SNX25: variants seen among roughly 807,000 people sequenced by gnomAD.
SNX25 encodes the protein sorting nexin-25.
In SNX25, 62 loss-of-function variants were observed where a neutral mutation model predicts 113.7. The observed-to-expected ratio is 0.55, with a 90% confidence interval of 0.44 to 0.67. The LOEUF (loss-of-function observed/expected upper bound fraction) is 0.67, where lower values mean the gene tolerates loss of function less well. Among genes scored for constraint, SNX25 ranks in the 30% least tolerant of loss-of-function variants. The pLI is 0.00. For missense variants in SNX25, 1,014 were observed against 1,161.0 expected (o/e 0.87, Z 1.84); for synonymous variants, 421 against 436.2 (o/e 0.97, Z 0.43).
the SNX25 span, chr4:185,378,300 A>C: frequency 1.3e-6 from 2 of 1,510,840 alleles, no homozygotes; most frequent in Non-Finnish European, 8.8e-7. Context: ...TCATTAGGAA[A>C]AGCATCCTTC....
Position 185,230,566 on chromosome 4 carries a change from AT to A in SNX25, c.430-16716del, listed in dbSNP as rs879518195. On this transcript the variant is annotated intron_variant, in intron 1 of 18. Transcript: ENST00000652585. ...AGCCAACACACCTGGCTAATTTTGT[AT>A]TTTTTTTTTTTAATAGAGACAGGGT... is the stretch of plus-strand genomic sequence containing the variant. Among the ~76,000 whole-genome samples the A allele has an allele frequency of 6.2e-3, 885 of 143,344 alleles. 3 individuals carry two copies. Among genetic ancestry groups the A allele is most frequent in the African/African-American group, 0.018 (690 of 39,194 alleles). The allele number at this position is 143,344 out of a possible 152,430, so 94.0% of individuals were successfully genotyped here. A position where few individuals can be genotyped will look rare whatever the true frequency, so the allele number is the denominator to read the frequency against.
At chr4:185,350,015 G>A (rs544665210) in intron 13 of SNX25, among the ~76,000 whole-genome samples, 148 of 152,294 alleles carry the variant, frequency 9.7e-4, no homozygotes, top group African/African-American at 3.4e-3. Flanking sequence ...CTGTCTGCAG[G>A]GTTCAGGGAC....
chr4:185,322,077 A>G (rs886877715), intron 8 of SNX25, among the ~76,000 whole-genome samples: 2 of 152,210 alleles, frequency 1.3e-5, no homozygotes, highest in African/African-American at 4.8e-5. Context: ...AATGTACACA[A>G]TAATATCTAT....
chr4:185,349,072 T>C (rs1437770984), intron 13 of SNX25, among the ~76,000 whole-genome samples: 1 of 152,188 alleles, frequency 6.6e-6, no homozygotes, highest in East Asian at 1.9e-4. Flanking sequence ...TTCCATCATG[T>C]ATATCGGGGG....
chr4:185,353,649 A>G (rs1379641145), intron 15 of SNX25, 47 bp downstream of exon 15: 4 of 1,409,086 alleles, frequency 2.8e-6, no homozygotes, highest in Non-Finnish European at 3.0e-6. Context: ...GTTAAGTGGT[A>G]TATATAATCG....
At chr4:185,272,956 C>T (rs987004390) in intron 5 of SNX25, among the ~76,000 whole-genome samples, 2 of 152,158 alleles carry the variant, frequency 1.3e-5, no homozygotes, top group African/African-American at 4.8e-5. Context: ...GTTCTGTTTA[C>T]TGTAGAATTT....
At chr4:185,239,388 C>A (rs1347865043) in intron 1 of SNX25, among the ~76,000 whole-genome samples, 4 of 152,144 alleles carry the variant, frequency 2.6e-5, no homozygotes, top group Non-Finnish European at 5.9e-5. Flanking sequence ...GAGGCTGAGG[C>A]AGGAGAATGG....
At chr4:185,274,546 A>G (rs1749391550) in intron 5 of SNX25, among the ~76,000 whole-genome samples, 1 of 152,182 alleles carries the variant, frequency 6.6e-6, no homozygotes, top group Non-Finnish European at 1.5e-5. Context: ...GCAAGCAGCC[A>G]TTTTTGCTGC....
chr4:185,374,088 A>G (rs1394973114), downstream of SNX25: 1 of 1,481,978 alleles, frequency 6.7e-7, no homozygotes, highest in Non-Finnish European at 9.4e-7. Flanking sequence ...AGTGAAACAA[A>G]TATTAATCTA....
chr4:185,371,642 A>T (rs1040643131), downstream of SNX25, among the ~76,000 whole-genome samples: 34 of 151,980 alleles, frequency 2.2e-4, no homozygotes, highest in African/African-American at 8.2e-4. Context: ...AGTCAACTCC[A>T]TGTTAACCTC....
At chr4:185,222,638 C>G (rs926648965) in intron 1 of SNX25, among the ~76,000 whole-genome samples, 4 of 152,196 alleles carry the variant, frequency 2.6e-5, no homozygotes, top group Admixed American at 2.0e-4. Context: ...CCTGGTGTTT[C>G]CTTTTCATTA....
chr4:185,318,798 G>A (rs2095095517), intron 7 of SNX25, among the ~76,000 whole-genome samples: 1 of 152,168 alleles, frequency 6.6e-6, no homozygotes, highest in Admixed American at 6.5e-5. Context: ...AGTAAATGCT[G>A]TGAAAGGAAG....
At chr4:185,216,319 A>G (rs987986414) in intron 1 of SNX25, among the ~76,000 whole-genome samples, 1 of 152,194 alleles carries the variant, frequency 6.6e-6, no homozygotes, top group South Asian at 2.1e-4. Context: ...GTATGTGAAC[A>G]GTGATTACAC....
rs1448260881 is a variant in SNX25, at chr4:185,323,627, T to C, written c.1576T>C (p.Cys526Arg). 1.9e-6 allele frequency: 3 copies of C among 1,613,540 alleles called. No homozygotes were observed. The highest frequency in any genetic ancestry group is 2.7e-5 in the African/African-American group (2 of 74,902). Residue 526 changes from cysteine to arginine, a missense_variant, in exon 9 of 19, where the codon TGT (cysteine) becomes CGT (arginine). By Grantham distance (180) the Cys-to-Arg change is radical. Coordinates refer to ENST00000652585, the MANE Select transcript of SNX25 (RefSeq NM_001378034.2). The stretch of plus-strand genomic sequence containing the variant: ...ATCACTTTACAAAGAAATTCAGCAG[T>C]GTCTTGTAGGAAATAAAGGTATTGA... Reference protein sequence around the residue: ...EKSLYKEIQQCLVGNKGIEVF... With the variant: ...EKSLYKEIQQRLVGNKGIEVF...
At chr4:185,374,079 G>GTGAAACAAA (rs2095425095), downstream of SNX25, 3 of 1,418,408 alleles carry the variant, frequency 2.1e-6, no homozygotes, top group Non-Finnish European at 3.0e-6. Context: ...AAAAAAAGCA[G>GTGAAACAAA]TGAAACAAAT....
At chr4:185,340,900 A>G (rs1362053766) in intron 11 of SNX25, among the ~76,000 whole-genome samples, 1 of 152,092 alleles carries the variant, frequency 6.6e-6, no homozygotes, top group Non-Finnish European at 1.5e-5. Flanking sequence ...GGTGCGGAGG[A>G]TGCATTTTCA....
At chr4:185,223,597 G>A (rs1740359959) in intron 1 of SNX25, among the ~76,000 whole-genome samples, 1 of 151,974 alleles carries the variant, frequency 6.6e-6, no homozygotes, top group Admixed American at 6.5e-5. Flanking sequence ...TGCCTAACAC[G>A]GTGAAACCCT....
chr4:185,340,868 G>C (rs1186926421), intron 11 of SNX25, among the ~76,000 whole-genome samples: 1 of 152,168 alleles, frequency 6.6e-6, no homozygotes, highest in Non-Finnish European at 1.5e-5. Context: ...GACGTCTAGA[G>C]CTCACGAAGC....
chr4:185,280,969 C>A (rs191483517), intron 5 of SNX25, among the ~76,000 whole-genome samples: 5 of 152,154 alleles, frequency 3.3e-5, no homozygotes, highest in Non-Finnish European at 7.3e-5. Context: ...TTTACACAGC[C>A]CTGTCTTGGG....
Sources: gnomAD v4.1 joint callset for allele counts (sites outside exome capture counted in the v4.1 genomes callset) on GRCh38, gnomAD v4.1.1 for gene constraint, MANE v1.5 for transcripts, NCBI Gene and HGNC (gene_info 2026-07-23, HGNC 2026-07-21) for gene names.